Variants in GAB3 observed in about 807,000 individuals in gnomAD.
GAB3 encodes GRB2-associated-binding protein 3.
Under a neutral mutation model 40.4 loss-of-function variants are expected in GAB3, and 12 were observed. The ratio of observed to expected loss-of-function variants is 0.30; its 90% CI spans 0.19 to 0.48. GAB3 has a LOEUF of 0.48. GAB3 is among the 20% of genes least tolerant of loss of function. The pLI is 0.99. For synonymous variants in GAB3, 154 were observed against 176.7 expected, an observed-to-expected ratio of 0.87 and a Z score of 1.02; for missense variants, 381 against 461.9, an observed-to-expected ratio of 0.82 and a Z score of 1.61.
At chrX:154,723,311 T>C (rs1557258997) in intron 1 of GAB3, among the ~76,000 whole-genome samples, 1 of 111,877 alleles carries the variant, frequency 8.9e-6, no homozygotes, top group Non-Finnish European at 1.9e-5. Flanking sequence ...AGAAAAAGGG[T>C]GCTATGTTTA....
At chrX:154,741,602 G>C (rs1262979255) in intron 1 of GAB3, among the ~76,000 whole-genome samples, 1 of 106,072 alleles carries the variant, frequency 9.4e-6, no homozygotes, top group Non-Finnish European at 2.0e-5. Context: ...TTTGAACCTG[G>C]GAGGCGGAGC....
intron 8 of GAB3, among the ~76,000 whole-genome samples, chrX:154,691,605 CG>C (rs1325674856): frequency 9.0e-6 from 1 of 111,369 alleles, no homozygotes; most frequent in Non-Finnish European, 1.9e-5. Context: ...TTATGCAAAA[CG>C]GTTTGCAGAT....
intron 1 of GAB3, among the ~76,000 whole-genome samples, chrX:154,723,553 C>G (rs782293493): frequency 1.8e-5 from 2 of 111,716 alleles, no homozygotes; most frequent in African/African-American, 6.5e-5. Flanking sequence ...GGGCTGCCCT[C>G]TCTTCTTACT....
At chrX:154,690,305 A>G (rs1557249013) in intron 8 of GAB3, among the ~76,000 whole-genome samples, 3 of 112,525 alleles carry the variant, frequency 2.7e-5, no homozygotes, top group Non-Finnish European at 3.8e-5. Flanking sequence ...ACCTAAAACC[A>G]TAAAAGCCCT....
At chrX:154,700,602 G>A (rs2070727070) in intron 4 of GAB3, among the ~76,000 whole-genome samples, 1 of 111,973 alleles carries the variant, frequency 8.9e-6, no homozygotes, top group Non-Finnish European at 1.9e-5. Flanking sequence ...TATCTAGGTT[G>A]CAAGTGTTGA....
intron 8 of GAB3, among the ~76,000 whole-genome samples, chrX:154,682,772 G>A (rs377467043): frequency 1.8e-5 from 2 of 111,005 alleles, no homozygotes; most frequent in East Asian, 5.6e-4. Context: ...GGGGTCAGGA[G>A]TTCAAGACCA....
At chrX:154,724,607 C>G (rs1435370024) in intron 1 of GAB3, among the ~76,000 whole-genome samples, 2 of 111,584 alleles carry the variant, frequency 1.8e-5, no homozygotes, top group African/African-American at 6.5e-5. Flanking sequence ...TCTCTAACAA[C>G]AAAACCCTGC....
intron 4 of GAB3, among the ~76,000 whole-genome samples, chrX:154,702,594 C>T (rs2070753927): frequency 8.9e-6 from 1 of 112,030 alleles, no homozygotes; most frequent in African/African-American, 3.2e-5. Flanking sequence ...AACTTCTGCA[C>T]AGCAAAGAAT....
chrX:154,706,390 T>C (rs1487598981), intron 4 of GAB3, among the ~76,000 whole-genome samples: 3 of 96,605 alleles, frequency 3.1e-5, no homozygotes, highest in Non-Finnish European at 4.2e-5. Flanking sequence ...CACTCCAGCC[T>C]GGGCGATAGT....
chrX:154,745,724 T>G (rs1043191755), intron 1 of GAB3, among the ~76,000 whole-genome samples: 3 of 111,918 alleles, frequency 2.7e-5, no homozygotes, highest in Non-Finnish European at 5.6e-5. Flanking sequence ...TTCAAGAAGA[T>G]ATGGATAACC....
chrX:154,705,589 T>C (rs964785609), intron 4 of GAB3, among the ~76,000 whole-genome samples: 2 of 110,961 alleles, frequency 1.8e-5, no homozygotes, highest in Non-Finnish European at 3.8e-5. Context: ...GGAACATACC[T>C]CAAAATAATA....
chrX:154,690,659 A>T (rs1459158922), intron 8 of GAB3, among the ~76,000 whole-genome samples: 20 of 112,520 alleles, frequency 1.8e-4, no homozygotes, highest in Admixed American at 1.7e-3. Flanking sequence ...TAAAAAACAC[A>T]TGAAAAAATG....
chrX:154,683,699 T>C (rs1340182065), intron 8 of GAB3, among the ~76,000 whole-genome samples: 1 of 112,089 alleles, frequency 8.9e-6, no homozygotes, highest in African/African-American at 3.2e-5. Flanking sequence ...TCCACCACAT[T>C]TAAGATTTAA....
chrX:154,730,972 C>T (rs2071282879), intron 1 of GAB3, among the ~76,000 whole-genome samples: 1 of 112,163 alleles, frequency 8.9e-6, no homozygotes, highest in Non-Finnish European at 1.9e-5. Flanking sequence ...TATGGTGGGC[C>T]TTGGAAGGGA....
chrX:154,694,594 C>T (rs782145044), intron 8 of GAB3, among the ~76,000 whole-genome samples: 51 of 111,191 alleles, frequency 4.6e-4, no homozygotes, highest in African/African-American at 1.1e-3. Flanking sequence ...GGGGTTTCAC[C>T]GTGTTAGCCA....
At chrX:154,746,655 A>G (rs1160482922) in intron 1 of GAB3, among the ~76,000 whole-genome samples, 1 of 112,267 alleles carries the variant, frequency 8.9e-6, no homozygotes, top group Non-Finnish European at 1.9e-5. Flanking sequence ...CTCTAAAATC[A>G]AGAAAAAGTC....
intron 1 of GAB3, among the ~76,000 whole-genome samples, chrX:154,723,199 A>C (rs1557258983): frequency 1.8e-5 from 2 of 111,767 alleles, no homozygotes; most frequent in Non-Finnish European, 3.8e-5. Context: ...CTTTTATGAC[A>C]AAAAAAATCT....
At chrX:154,702,637 ATGG>A (rs1276090639) in intron 4 of GAB3, among the ~76,000 whole-genome samples, 1 of 112,078 alleles carries the variant, frequency 8.9e-6, no homozygotes, top group Non-Finnish European at 1.9e-5. Context: ...AACCCACAGA[ATGG>A]GAGAAAATAT....
chrX:154,683,680 T>C (rs782179954), intron 8 of GAB3, among the ~76,000 whole-genome samples: 9 of 112,351 alleles, frequency 8.0e-5, no homozygotes, highest in Admixed American at 3.8e-4. Context: ...AGTTGCTTCT[T>C]GCCTTCCTTC....
Sources: allele counts gnomAD v4.1 joint callset (sites outside exome capture counted in the v4.1 genomes callset), GRCh38; gene constraint gnomAD v4.1.1; transcripts MANE v1.5; gene names NCBI Gene and HGNC (gene_info 2026-07-23, HGNC 2026-07-21).